Variants in CMIP observed in about 807,000 individuals in gnomAD.
The protein encoded by CMIP is C-Maf-inducing protein.
In CMIP, 13 loss-of-function variants were observed where a neutral mutation model predicts 97.3. That is an observed-to-expected ratio of 0.13 (90% CI 0.09 to 0.21). The LOEUF (loss-of-function observed/expected upper bound fraction) is 0.21, where lower values mean the gene tolerates loss of function less well. Among genes scored for constraint, CMIP ranks in the 10% least tolerant of loss-of-function variants. The pLI is 1.00. For missense variants in CMIP, 847 were observed against 1,024.9 expected, an observed-to-expected ratio of 0.83 and a Z score of 2.37; for synonymous variants, 538 against 436.3, an observed-to-expected ratio of 1.23 and a Z score of -2.91.
At chr16:81,575,097 C>T (rs1209117098) in intron 1 of CMIP, among the ~76,000 whole-genome samples, 2 of 152,276 alleles carry the variant, frequency 1.3e-5, no homozygotes, top group East Asian at 1.9e-4. Flanking sequence ...AACTGAGTAA[C>T]TGAGCACTTA....
intron 3 of CMIP, among the ~76,000 whole-genome samples, chr16:81,641,671 G>A (rs777888316): frequency 6.6e-6 from 1 of 152,208 alleles, no homozygotes; most frequent in Non-Finnish European, 1.5e-5. Context: ...GGCCACCACC[G>A]GTGGGCATTT....
At chr16:81,660,102 C>T (rs2092528221) in intron 5 of CMIP, among the ~76,000 whole-genome samples, 1 of 152,032 alleles carries the variant, frequency 6.6e-6, no homozygotes, top group Admixed American at 6.6e-5. Flanking sequence ...GAGTCCAAAC[C>T]CCAGCTGTGG....
intron 1 of CMIP, among the ~76,000 whole-genome samples, chr16:81,479,577 C>T (rs892156293): frequency 4.6e-5 from 7 of 152,138 alleles, no homozygotes; most frequent in Non-Finnish European, 8.8e-5. Context: ...TTAGGGACCA[C>T]ATATGAATGG....
At chr16:81,523,555 T>G (rs2150810627) in intron 1 of CMIP, among the ~76,000 whole-genome samples, 1 of 152,286 alleles carries the variant, frequency 6.6e-6, no homozygotes, top group South Asian at 2.1e-4. Context: ...AGCAACTGAC[T>G]CATCCAGTCT....
intron 1 of CMIP, among the ~76,000 whole-genome samples, chr16:81,474,280 C>T (rs1466668596): frequency 6.6e-6 from 1 of 152,090 alleles, no homozygotes; most frequent in Non-Finnish European, 1.5e-5. Flanking sequence ...TTGTCTGTCA[C>T]TGACTTACCC....
intron 19 of CMIP, 97 bp from the exon 20 acceptor site, chr16:81,706,917 C>T (rs1908214561): frequency 1.0e-6 from 1 of 979,934 alleles, no homozygotes; most frequent in Non-Finnish European, 1.6e-6. Context: ...TAACAGGGGG[C>T]CTGGCACCTG....
intron 13 of CMIP, 32 bp downstream of exon 13, chr16:81,693,519 C>T: frequency 6.2e-7 from 1 of 1,601,328 alleles, no homozygotes; most frequent in Non-Finnish European, 8.5e-7. Context: ...CTCAGGCCGG[C>T]TGTCTGGGGA....
intron 1 of CMIP, among the ~76,000 whole-genome samples, chr16:81,466,005 TC>T (rs2150742055): frequency 6.6e-6 from 1 of 152,170 alleles, no homozygotes; most frequent in Non-Finnish European, 1.5e-5. Flanking sequence ...TACATCCTTG[TC>T]CTTTCCTTTT....
chr16:81,613,965 G>A (rs1489647261), intron 2 of CMIP, among the ~76,000 whole-genome samples: 1 of 152,122 alleles, frequency 6.6e-6, no homozygotes, highest in African/African-American at 2.4e-5. Context: ...AGTCAGACGT[G>A]GTTCCTGACC....
chr16:81,556,341 G>A (rs537003266), intron 1 of CMIP, among the ~76,000 whole-genome samples: 8 of 152,210 alleles, frequency 5.3e-5, no homozygotes, highest in African/African-American at 1.9e-4. Flanking sequence ...CTCTGAACAC[G>A]GGTGCGCTGG....
chr16:81,504,232 A>G (rs559801302), intron 1 of CMIP, among the ~76,000 whole-genome samples: 1 of 152,290 alleles, frequency 6.6e-6, no homozygotes, highest in South Asian at 2.1e-4. Context: ...AGGCTGAGGC[A>G]GGAGAATCGC....
chr16:81,554,487 GC>G (rs1386749150), intron 1 of CMIP, among the ~76,000 whole-genome samples: 2 of 152,222 alleles, frequency 1.3e-5, no homozygotes, highest in Non-Finnish European at 2.9e-5. Context: ...CCCAGAGGCA[GC>G]TGCAGAACCG....
At chr16:81,529,271 G>A (rs1414108888) in intron 1 of CMIP, among the ~76,000 whole-genome samples, 1 of 152,140 alleles carries the variant, frequency 6.6e-6, no homozygotes, top group African/African-American at 2.4e-5. Flanking sequence ...CGTGAGGGAG[G>A]GTAAAGAGAG....
At chr16:81,584,605 T>A (rs2091350228) in intron 1 of CMIP, among the ~76,000 whole-genome samples, 1 of 142,194 alleles carries the variant, frequency 7.0e-6, no homozygotes, top group South Asian at 2.3e-4. Flanking sequence ...GTAGATCAGC[T>A]GCAGTCCCAC....
rs1217430267 is a variant in CMIP at position 81,669,260 on chromosome 16, ACC to A, written c.826-881_826-880del. Among the ~76,000 whole-genome samples, 2 of 76,290 alleles carry A rather than the reference ACC, an allele frequency of 2.6e-5. 1 individual carries two copies. The highest frequency in any genetic ancestry group is 3.0e-4 in the Admixed American group (2 of 6,756). The allele number at this position is 76,290 out of a possible 152,430, so 50.0% of individuals were successfully genotyped here. A position where few individuals can be genotyped will look rare whatever the true frequency, so the allele number is the denominator to read the frequency against. On this transcript the variant is annotated intron_variant, in intron 7 of 20. Coordinates refer to ENST00000537098, the MANE Select transcript of CMIP (RefSeq NM_198390.3). ...ACCTCCACACCCACCTCTCACACTC[ACC>A]TCCTTCCACATCCACCTCACACCTC...
chr16:81,503,823 C>T (rs897898956), intron 1 of CMIP, among the ~76,000 whole-genome samples: 1 of 152,242 alleles, frequency 6.6e-6, no homozygotes, highest in African/African-American at 2.4e-5. Context: ...CTCCAGATCC[C>T]TGAGCGGATC....
chr16:81,597,110 T>A (rs1047956623), intron 1 of CMIP, among the ~76,000 whole-genome samples: 4 of 152,180 alleles, frequency 2.6e-5, no homozygotes, highest in Non-Finnish European at 4.4e-5. Context: ...CAGGGAACAC[T>A]TGTGCAAACA....
At chr16:81,467,769 T>C (rs1289882371) in intron 1 of CMIP, among the ~76,000 whole-genome samples, 1 of 151,718 alleles carries the variant, frequency 6.6e-6, no homozygotes, top group Non-Finnish European at 1.5e-5. Flanking sequence ...TTATTAGCAA[T>C]GGGGTTTCGC....
Position 81,696,721 on chromosome 16 carries a change from G to A in CMIP, c.1638+54G>A, listed in dbSNP as rs780773950. On this transcript the variant is annotated intron_variant, in intron 14 of 20. Transcript: ENST00000537098. ...TTCCAGGGGTCCCTGGGCTTGCCAT[G>A]CCTGACTAGTAAAACAGCCGTCCCC... The A allele has an allele frequency of 4.6e-6, 7 of 1,528,814 alleles. No individual in the cohort carries two copies. The South Asian group carries it at 7.0e-5, about 15-fold the overall frequency. 94.7% of individuals were successfully genotyped at this position (1,528,814 alleles called of 1,614,324 possible).
Sources: allele counts gnomAD v4.1 joint callset (sites outside exome capture counted in the v4.1 genomes callset), GRCh38; gene constraint gnomAD v4.1.1; transcripts MANE v1.5; gene names NCBI Gene and HGNC (gene_info 2026-07-23, HGNC 2026-07-21).